TCERG1L: variants seen among roughly 807,000 people sequenced by gnomAD.
The protein encoded by TCERG1L is transcription elongation regulator 1-like protein.
A neutral mutation model predicts 56.3 loss-of-function variants in TCERG1L; 37 were observed. The observed-to-expected ratio is 0.66, with a 90% CI of 0.51 to 0.87. The LOEUF (loss-of-function observed/expected upper bound fraction) is 0.87. TCERG1L is among the 40% of genes least tolerant of loss of function. The pLI is 0.00. For missense variants in TCERG1L, 799 were observed against 774.2 expected (o/e 1.03, Z -0.38); for synonymous variants, 324 against 326.3 (o/e 0.99, Z 0.08).
chr10:131,146,968 G>T (rs1471289102), intron 6 of TCERG1L, among the ~76,000 whole-genome samples: 1 of 152,178 alleles, frequency 6.6e-6, no homozygotes, highest in African/African-American at 2.4e-5. Flanking sequence ...CCCACCAGCT[G>T]TCACTGCCTC....
chr10:131,140,316 G>A (rs1226055652), intron 7 of TCERG1L, among the ~76,000 whole-genome samples: 1 of 152,104 alleles, frequency 6.6e-6, no homozygotes, highest in Non-Finnish European at 1.5e-5. Context: ...CAGCCCCACA[G>A]GACCCTGCTG....
At chr10:131,207,544 C>T (rs1025799455) in intron 4 of TCERG1L, among the ~76,000 whole-genome samples, 1 of 152,342 alleles carries the variant, frequency 6.6e-6, no homozygotes, top group African/African-American at 2.4e-5. Context: ...TTTGTTCTCC[C>T]CTGGCTCCAG....
At chr10:131,174,517 C>T (rs898197185) in intron 4 of TCERG1L, among the ~76,000 whole-genome samples, 5 of 152,048 alleles carry the variant, frequency 3.3e-5, no homozygotes, top group African/African-American at 9.6e-5. Flanking sequence ...GCTGCAGCTC[C>T]GCCCGCCTCT....
intron 4 of TCERG1L, among the ~76,000 whole-genome samples, chr10:131,227,873 C>T (rs1246800781): frequency 3.3e-5 from 5 of 152,166 alleles, no homozygotes; most frequent in South Asian, 4.1e-4. Flanking sequence ...TTGACCTGAG[C>T]GCAACTATCT....
intron 3 of TCERG1L, among the ~76,000 whole-genome samples, chr10:131,307,734 C>A (rs1240802774): frequency 2.0e-5 from 3 of 152,184 alleles, no homozygotes; most frequent in African/African-American, 7.2e-5. Flanking sequence ...CAAAATCCAT[C>A]TTTCAAAGAG....
chr10:131,239,784 C>T (rs546163373), intron 4 of TCERG1L, among the ~76,000 whole-genome samples: 1 of 152,356 alleles, frequency 6.6e-6, no homozygotes, highest in South Asian at 2.1e-4. Flanking sequence ...TATCCTTTTC[C>T]CAGCGTACAG....
chr10:131,230,611 G>A (rs963337208), intron 4 of TCERG1L, among the ~76,000 whole-genome samples: 9 of 152,334 alleles, frequency 5.9e-5, no homozygotes, highest in South Asian at 2.1e-4. Flanking sequence ...CTAAGCCTCC[G>A]TGTGGATGTG....
intron 4 of TCERG1L, among the ~76,000 whole-genome samples, chr10:131,256,682 G>A (rs563150312): frequency 1.3e-5 from 2 of 152,046 alleles, no homozygotes; most frequent in East Asian, 1.9e-4. Context: ...TCAGGAGTTC[G>A]AGACCAGCCT....
intron 9 of TCERG1L, among the ~76,000 whole-genome samples, chr10:131,116,595 G>A (rs553212318): frequency 2.0e-4 from 30 of 152,302 alleles, no homozygotes; most frequent in Non-Finnish European, 4.1e-4. Flanking sequence ...CTTAGTAAGG[G>A]GGAGGCATCC....
chr10:131,199,748 CCT>C (rs994917927), intron 4 of TCERG1L, among the ~76,000 whole-genome samples: 6 of 152,180 alleles, frequency 3.9e-5, no homozygotes, highest in African/African-American at 1.4e-4. Flanking sequence ...ATCATCACAC[CCT>C]GTGTTCAGCA....
At chr10:131,116,995 C>A in intron 8 of TCERG1L, 61 bp from the exon 9 acceptor site, 1 of 1,539,640 alleles carries the variant, frequency 6.5e-7, no homozygotes, top group Non-Finnish European at 8.7e-7. Context: ...GTTTTTATTG[C>A]AACCTTTACA....
At position 131,260,494 on chromosome 10, in the gene TCERG1L, G is replaced by A. The variant is rs1163502909; in HGVS notation, c.671-50C>T. On this transcript the variant is annotated intron_variant, in intron 3 of 11. Coordinates refer to ENST00000368642, the MANE Select transcript of TCERG1L (RefSeq NM_174937.4). This position sits in a 1 kb window ranked among gnomAD's most constrained non-coding sequence, Gnocchi z 5.8. ...CAGCAAGGGGACGACCAGGGCCATG[G>A]GTGACAGATGCCCATCTCGCTACCG... is the stretch of plus-strand genomic sequence containing the variant. The A allele has an allele frequency of 2.2e-6, 3 of 1,346,012 alleles. No individual in the cohort carries two copies. In the South Asian group the frequency reaches 6.1e-5, roughly 28 times the overall value. 83.4% of individuals were successfully genotyped at this position (1,346,012 alleles called of 1,614,324 possible).
chr10:131,188,950 A>C (rs1254919773), intron 4 of TCERG1L, among the ~76,000 whole-genome samples: 1 of 152,222 alleles, frequency 6.6e-6, no homozygotes, highest in African/African-American at 2.4e-5. Flanking sequence ...TTCTGTACAC[A>C]AATGAACCAT....
chr10:131,302,863 T>C (rs1846780248), intron 3 of TCERG1L, among the ~76,000 whole-genome samples: 1 of 151,890 alleles, frequency 6.6e-6, no homozygotes, highest in Non-Finnish European at 1.5e-5. Flanking sequence ...CACTTATGAG[T>C]GAGAACATGT....
At chr10:131,148,854 G>A (rs1011222286) in intron 6 of TCERG1L, among the ~76,000 whole-genome samples, 5 of 152,196 alleles carry the variant, frequency 3.3e-5, no homozygotes, top group Admixed American at 6.5e-5. Context: ...AATGTGTGTC[G>A]CTGGAGCCCT....
At chr10:131,117,073 G>T in intron 8 of TCERG1L, 139 bp from the exon 9 acceptor site, 1 of 1,185,468 alleles carries the variant, frequency 8.4e-7, no homozygotes, top group Non-Finnish European at 1.2e-6. Context: ...GCCTGAGGCG[G>T]TCTCCCTCGC....
At chr10:131,193,600 G>A (rs923593219) in intron 4 of TCERG1L, among the ~76,000 whole-genome samples, 2 of 152,180 alleles carry the variant, frequency 1.3e-5, no homozygotes, top group Non-Finnish European at 2.9e-5. Flanking sequence ...ATGGAAAAGG[G>A]TGTCCTTTCT....
At chr10:131,253,467 C>A (rs1264965984) in intron 4 of TCERG1L, among the ~76,000 whole-genome samples, 1 of 152,096 alleles carries the variant, frequency 6.6e-6, no homozygotes, top group Non-Finnish European at 1.5e-5. Context: ...AAATTCGAAT[C>A]CCCAAAGATT....
At chr10:131,202,983 G>A (rs1845459191) in intron 4 of TCERG1L, among the ~76,000 whole-genome samples, 1 of 152,198 alleles carries the variant, frequency 6.6e-6, no homozygotes, top group Non-Finnish European at 1.5e-5. Context: ...GTGGAAGTTT[G>A]AGTGAAGAGG....
Sources: allele counts gnomAD v4.1 joint callset (sites outside exome capture counted in the v4.1 genomes callset), GRCh38; gene constraint gnomAD v4.1.1; non-coding constraint Gnocchi (gnomAD v3.1); transcripts MANE v1.5; gene names NCBI Gene and HGNC (gene_info 2026-07-23, HGNC 2026-07-21).